ATP2C1: variants seen among roughly 807,000 people sequenced by gnomAD.
ATP2C1 encodes ATPase secretory pathway Ca2+ transporting 1.
In ATP2C1, 31 loss-of-function variants were observed where a neutral mutation model predicts 120.5. That is an observed-to-expected ratio of 0.26 (90% CI 0.19 to 0.35). The LOEUF is 0.35. Ranked by LOEUF, ATP2C1 falls within the 10% of genes least tolerant of loss-of-function variation. The probability of loss-of-function intolerance (pLI) is 1.00; values close to 1 mark genes in which losing one functional copy is unlikely to be tolerated. For missense variants in ATP2C1, 731 were observed against 1,107.5 expected (o/e 0.66, Z 4.83); for synonymous variants, 351 against 358.7 (o/e 0.98, Z 0.24).
At chr3:130,998,034 A>T (rs192035898) in intron 25 of ATP2C1, among the ~76,000 whole-genome samples, 7 of 152,152 alleles carry the variant, frequency 4.6e-5, no homozygotes, top group African/African-American at 1.7e-4. Flanking sequence ...TCATAGAGCC[A>T]CTTTATTATT....
chr3:131,004,441 AATAATGG>A (rs2063022846), downstream of ATP2C1, among the ~76,000 whole-genome samples: 1 of 152,236 alleles, frequency 6.6e-6, no homozygotes, highest in African/African-American at 2.4e-5. Flanking sequence ...GGTTATTGTT[AATAATGG>A]ATAATGGTTA....
intron 2 of ATP2C1, among the ~76,000 whole-genome samples, chr3:130,902,297 G>GTTTTTTTTTTTTTTTTTTT (rs398052267): frequency 7.5e-5 from 1 of 13,254 alleles, no homozygotes; most frequent in African/African-American, 2.1e-4. Context: ...TTTTTTTTTT[G>GTTTTTTTTTTTTTTTTTTT]TTTTTTTTTT....
chr3:130,982,976 A>G (rs1454580369), intron 20 of ATP2C1, among the ~76,000 whole-genome samples: 1 of 152,190 alleles, frequency 6.6e-6, no homozygotes, highest in East Asian at 1.9e-4. Flanking sequence ...ATAATTCTGA[A>G]CATTCATTTT....
chr3:130,918,342 A>G, intron 2 of ATP2C1: 2 of 1,557,420 alleles, frequency 1.3e-6, no homozygotes, highest in Non-Finnish European at 1.8e-6. Context: ...TGTTGATTCA[A>G]GACTCTTCCC....
chr3:130,982,596 G>A (rs564378253), intron 20 of ATP2C1, among the ~76,000 whole-genome samples: 2 of 152,098 alleles, frequency 1.3e-5, no homozygotes, highest in Non-Finnish European at 2.9e-5. Context: ...TTCAAAATAA[G>A]CACTTATCTG....
At chr3:131,014,538 C>G in intron 26 of ATP2C1, 1 of 829,860 alleles carries the variant, frequency 1.2e-6, no homozygotes, top group Non-Finnish European at 1.8e-6. Context: ...ATAATCTGTT[C>G]TTTGAAGGAA....
rs926248651 is a variant in ATP2C1 at position 130,959,309 on chromosome 3, A to G, written c.867A>G (p.Lys289=). Residue 289 remains lysine (K), a synonymous_variant, in exon 12 of 28, where the codon AAA becomes AAG. Coordinates refer to ENST00000510168, the MANE Select transcript of ATP2C1 (RefSeq NM_001378687.1). Reference sequence around the variant, plus strand: ...TGTTGGTTGGCTGGTTACTGGGAAAAGATATCCTGGAAATGTTTACTATTA... The same window carrying G: ...TGTTGGTTGGCTGGTTACTGGGAAAGGATATCCTGGAAATGTTTACTATTA... The part of the protein sequence containing the change: ...IIMLVGWLLG[K]DILEMFTISV... 1.2e-6 allele frequency: 2 copies of G among 1,609,108 alleles called. No homozygotes were observed. The highest frequency in any genetic ancestry group is 3.3e-5 in the Admixed American group (2 of 59,878).
intron 26 of ATP2C1, among the ~76,000 whole-genome samples, chr3:131,009,242 A>AAT (rs979654733): frequency 1.3e-5 from 2 of 152,070 alleles, no homozygotes; most frequent in Non-Finnish European, 2.9e-5. Context: ...TTAGGGAAAA[A>AAT]ATATACTCAC....
chr3:130,921,637 G>A (rs1260009901), intron 2 of ATP2C1, among the ~76,000 whole-genome samples: 1 of 152,044 alleles, frequency 6.6e-6, no homozygotes, highest in African/African-American at 2.4e-5. Context: ...TTCCTTGTTT[G>A]TAGAGAGTTT....
At chr3:130,891,985 C>G (rs2069186568), upstream of ATP2C1, among the ~76,000 whole-genome samples, 1 of 152,030 alleles carries the variant, frequency 6.6e-6, no homozygotes, top group African/African-American at 2.4e-5. Context: ...CTTGATCTTA[C>G]CAGTTTCTTT....
chr3:130,934,752 G>A (rs1292067389), intron 5 of ATP2C1, 41 bp downstream of exon 5: 2 of 1,333,882 alleles, frequency 1.5e-6, no homozygotes, highest in Non-Finnish European at 1.1e-6. Context: ...TTGAGTAAGT[G>A]TATAAATTGG....
intron 2 of ATP2C1, among the ~76,000 whole-genome samples, chr3:130,915,937 A>G (rs879543398): frequency 1.3e-5 from 2 of 152,234 alleles, no homozygotes; most frequent in Non-Finnish European, 2.9e-5. Flanking sequence ...TGGGTTATGT[A>G]TCTTAATAAC....
chr3:130,975,617 G>C, intron 18 of ATP2C1, 129 bp downstream of exon 18: 1 of 1,119,372 alleles, frequency 8.9e-7, no homozygotes, highest in South Asian at 1.4e-5. Flanking sequence ...TGCCAGTATT[G>C]AGGTGTTAAG....
intron 11 of ATP2C1, among the ~76,000 whole-genome samples, chr3:130,958,383 A>G (rs1047540658): frequency 1.3e-5 from 2 of 152,174 alleles, no homozygotes; most frequent in African/African-American, 4.8e-5. Flanking sequence ...TCATTTACCT[A>G]AGCAGACAGG....
intron 2 of ATP2C1, among the ~76,000 whole-genome samples, chr3:130,922,479 T>C (rs2059014140): frequency 6.6e-6 from 1 of 152,194 alleles, no homozygotes; most frequent in African/African-American, 2.4e-5. Context: ...CTGATCTTTG[T>C]TACTTATTTT....
rs147212608 is a variant in ATP2C1, at chr3:130,884,027, C to T, written c.108+33099C>T. Among the ~76,000 whole-genome samples, 69 of 150,706 alleles carry T rather than the reference C, an allele frequency of 4.6e-4. No homozygotes were observed. The East Asian group carries it at 7.2e-3, about 16-fold the overall frequency. On this transcript the variant is annotated intron_variant, in intron 1 of 26. Coordinates refer to the ATP2C1 transcript ENST00000504381. ...TGTCATCTCATCTCACTGCAACCTC[C>T]GCCTCTCGGGTTCAAGTAATTCTCC...
At chr3:130,940,564 T>G in intron 6 of ATP2C1, 66 bp from the exon 7 acceptor site, 1 of 1,038,022 alleles carries the variant, frequency 9.6e-7, no homozygotes, top group Non-Finnish European at 1.5e-6. Flanking sequence ...TGATTGAGAT[T>G]AATAAGTCTA....
chr3:130,979,539 T>G, intron 19 of ATP2C1, 120 bp downstream of exon 19: 2 of 1,129,744 alleles, frequency 1.8e-6, no homozygotes, highest in Non-Finnish European at 2.6e-6. Flanking sequence ...GCAATTGAAA[T>G]CGACTCATGG....
intron 4 of ATP2C1, 75 bp from the exon 5 acceptor site, chr3:130,934,547 T>C (rs2059585379): frequency 1.0e-6 from 1 of 958,946 alleles, no homozygotes; most frequent in Non-Finnish European, 1.7e-6. Context: ...TTATGGTTTT[T>C]TTTTTTTAAA....
Sources: gnomAD v4.1 joint callset for allele counts (sites outside exome capture counted in the v4.1 genomes callset) on GRCh38, gnomAD v4.1.1 for gene constraint, MANE v1.5 for transcripts, NCBI Gene and HGNC (gene_info 2026-07-23, HGNC 2026-07-21) for gene names.